Variants in ZDHHC14 observed in about 807,000 individuals in gnomAD.
The protein encoded by ZDHHC14 is zDHHC palmitoyltransferase 14, also known as palmitoyltransferase ZDHHC14.
Under a neutral mutation model 47.7 loss-of-function variants are expected in ZDHHC14, and 16 were observed. The observed-to-expected ratio is 0.34, with a 90% confidence interval of 0.23 to 0.51. The LOEUF is 0.51. Among genes scored for constraint, ZDHHC14 ranks in the 20% least tolerant of loss-of-function variants. The pLI, the probability that ZDHHC14 is intolerant of heterozygous loss-of-function variation, is 0.97. For synonymous variants in ZDHHC14, 293 were observed against 278.9 expected (o/e 1.05, Z -0.50); for missense variants, 515 against 662.5 (o/e 0.78, Z 2.44).
At chr6:157,515,674 C>A (rs1358828833) in intron 1 of ZDHHC14, among the ~76,000 whole-genome samples, 1 of 151,780 alleles carries the variant, frequency 6.6e-6, no homozygotes, top group Non-Finnish European at 1.5e-5. Context: ...ACCGTGTTAG[C>A]CTGGATGGTC....
intron 2 of ZDHHC14, among the ~76,000 whole-genome samples, chr6:157,577,436 C>G (rs1320737289): frequency 6.6e-6 from 1 of 152,224 alleles, no homozygotes; most frequent in African/African-American, 2.4e-5. Flanking sequence ...TGAGGAATCA[C>G]CATGCTGCTT....
intron 2 of ZDHHC14, among the ~76,000 whole-genome samples, chr6:157,550,898 T>C (rs773311291): frequency 2.0e-5 from 3 of 152,186 alleles, no homozygotes; most frequent in Non-Finnish European, 2.9e-5. Context: ...ACACAGAATA[T>C]ACTGTGATTA....
intron 1 of ZDHHC14, among the ~76,000 whole-genome samples, chr6:157,442,945 T>G (rs1482036509): frequency 6.6e-6 from 1 of 152,210 alleles, no homozygotes; most frequent in Non-Finnish European, 1.5e-5. Flanking sequence ...TGTTACTAGT[T>G]TGAAGCCAAT....
intron 1 of ZDHHC14, among the ~76,000 whole-genome samples, chr6:157,435,140 C>T (rs1241387647): frequency 6.6e-6 from 1 of 152,254 alleles, no homozygotes; most frequent in Non-Finnish European, 1.5e-5. Flanking sequence ...GTTTATCCCA[C>T]TTAATACTCA....
chr6:157,551,814 A>G (rs759238939), intron 2 of ZDHHC14, among the ~76,000 whole-genome samples: 4 of 152,224 alleles, frequency 2.6e-5, no homozygotes, highest in Non-Finnish European at 5.9e-5. Context: ...TGTGAGATAA[A>G]TAGCGTCTTA....
Position 157,673,436 on chromosome 6 carries a change from C to T in ZDHHC14, c.*314C>T, listed in dbSNP as rs912900664. ...TCTGCCCGCCCTTGTGACAGACACA[C>T]GGAAGGCTTCTGACGCTTGTGGCCA... On this transcript the variant is annotated 3_prime_UTR_variant, in exon 9 of 9. Transcript: ENST00000359775. The surrounding 1 kb of genome is among the most constrained non-coding windows in gnomAD (Gnocchi z 5.4). 13 of 415,370 alleles carry T rather than the reference C, an allele frequency of 3.1e-5. No individual in the cohort carries two copies. Among genetic ancestry groups the T allele is most frequent in the South Asian group, 1.8e-4 (4 of 22,490 alleles). The allele number at this position is 415,370 out of a possible 1,614,324, so 25.7% of individuals were successfully genotyped here.
At chr6:157,521,143 T>C (rs1005112623) in intron 1 of ZDHHC14, among the ~76,000 whole-genome samples, 8 of 152,174 alleles carry the variant, frequency 5.3e-5, no homozygotes, top group Non-Finnish European at 1.2e-4. Context: ...TCAGCCCCAC[T>C]TCCTCATTTA....
intron 1 of ZDHHC14, among the ~76,000 whole-genome samples, chr6:157,519,054 G>A (rs1780813591): frequency 6.6e-6 from 1 of 152,200 alleles, no homozygotes. Flanking sequence ...AGCGTTATGA[G>A]GGCTGGCTCA....
In ZDHHC14 at chr6:157,537,097, C is replaced by T. The variant is rs139339211; in HGVS notation, c.246-5488C>T. Among the ~76,000 whole-genome samples, 406 of 55,946 alleles carry T rather than the reference C, an allele frequency of 7.3e-3. 87 individuals carry two copies. The highest frequency in any genetic ancestry group is 0.022 in the African/African-American group (388 of 17,942). 36.7% of individuals were successfully genotyped at this position (55,946 alleles called of 152,430 possible). The stretch of plus-strand genomic sequence containing the variant: ...CCTCCCAAAGTGCTGGGATTACAGG[C>T]GTGAGCCACCGCGCCCGGCTCCATC... On this transcript the variant is annotated intron_variant, in intron 1 of 8. Transcript: ENST00000359775.
At chr6:157,617,025 C>G (rs540821478) in intron 3 of ZDHHC14, among the ~76,000 whole-genome samples, 16 of 152,278 alleles carry the variant, frequency 1.1e-4, no homozygotes, top group Non-Finnish European at 2.2e-4. Flanking sequence ...GAAAGCCAAG[C>G]ACCATCGTGA....
chr6:157,607,889 G>C (rs1424793175), intron 3 of ZDHHC14, among the ~76,000 whole-genome samples: 3 of 152,238 alleles, frequency 2.0e-5, no homozygotes, highest in Non-Finnish European at 4.4e-5. Context: ...CTGAGGGCTT[G>C]TATCACATCC....
At chr6:157,570,312 A>G (rs1408094652) in intron 2 of ZDHHC14, among the ~76,000 whole-genome samples, 1 of 152,212 alleles carries the variant, frequency 6.6e-6, no homozygotes, top group Non-Finnish European at 1.5e-5. Context: ...GTTCTTGTCT[A>G]CTTGTCTTAC....
intron 1 of ZDHHC14, among the ~76,000 whole-genome samples, chr6:157,417,828 C>T (rs1295328682): frequency 6.6e-6 from 1 of 152,048 alleles, no homozygotes; most frequent in African/African-American, 2.4e-5. Flanking sequence ...GTTGCGGGTG[C>T]CTGTAGTCCC....
chr6:157,653,650 C>T (rs779626361), intron 8 of ZDHHC14, 23 bp downstream of exon 8: 17 of 1,605,736 alleles, frequency 1.1e-5, no homozygotes, highest in Non-Finnish European at 1.4e-5. Context: ...GCCACTGCTC[C>T]CTGCGAGGGC....
At position 157,444,415 on chromosome 6, in the gene ZDHHC14, C is replaced by T. The variant is rs182077476; in HGVS notation, c.245+62149C>T. ...ATACTAGGCTGGGCATGGTGGCTCA[C>T]GCCTGTAATCCAAGCAATTTGGGAA... On this transcript the variant is annotated intron_variant, in intron 1 of 8. Transcript: ENST00000359775. Among the ~76,000 whole-genome samples the T allele has an allele frequency of 5.9e-3, 899 of 152,270 alleles. 3 individuals are homozygous for T. Among genetic ancestry groups the T allele is most frequent in the Non-Finnish European group, 8.1e-3 (551 of 68,022 alleles).
rs1277038431 is a variant in ZDHHC14 at position 157,537,070 on chromosome 6, G to A, written c.246-5515G>A. On this transcript the variant is annotated intron_variant, in intron 1 of 8. Coordinates refer to ENST00000359775, the MANE Select transcript of ZDHHC14 (RefSeq NM_024630.3). ...CCTGACCTCGTGATCCGCCCGCCTC[G>A]GCCTCCCAAAGTGCTGGGATTACAG... Among the ~76,000 whole-genome samples the A allele has an allele frequency of 8.4e-4, 47 of 55,766 alleles. 14 individuals are homozygous for A. In the Admixed American group the frequency reaches 8.4e-3, roughly 10 times the overall value. 36.6% of individuals were successfully genotyped at this position (55,766 alleles called of 152,430 possible).
chr6:157,673,759 G>T lies in ZDHHC14; in HGVS notation c.*637G>T, dbSNP rs1041478113. 1 of 152,694 alleles carries T rather than the reference G, an allele frequency of 6.5e-6. No individual in the cohort carries two copies. The highest frequency in any genetic ancestry group is 1.5e-5 in the Non-Finnish European group (1 of 68,082). The allele number at this position is 152,694 out of a possible 1,614,324, so 9.5% of individuals were successfully genotyped here. On this transcript the variant is annotated 3_prime_UTR_variant, in exon 9 of 9. Coordinates refer to ENST00000359775, the MANE Select transcript of ZDHHC14 (RefSeq NM_024630.3). The surrounding 1 kb of genome is among the most constrained non-coding windows in gnomAD (Gnocchi z 5.4). ...ACTGGGCTGAGGCGTCTGTGGAGAG[G>T]TGGCACCGGGGCTGCAGAGGGCGGC...
chr6:157,611,828 TTG>T (rs962793331), intron 3 of ZDHHC14, among the ~76,000 whole-genome samples: 1 of 152,164 alleles, frequency 6.6e-6, no homozygotes, highest in African/African-American at 2.4e-5. Context: ...TCCGTCCCTT[TTG>T]TGTGTGTGTG....
chr6:157,513,768 C>T (rs1030520188), intron 1 of ZDHHC14, among the ~76,000 whole-genome samples: 2 of 152,068 alleles, frequency 1.3e-5, no homozygotes, highest in Non-Finnish European at 2.9e-5. Flanking sequence ...GTAAGTTTGC[C>T]TGAGTCACAC....
Sources: gnomAD v4.1 joint callset for allele counts (sites outside exome capture counted in the v4.1 genomes callset) on GRCh38, gnomAD v4.1.1 for gene constraint, Gnocchi (gnomAD v3.1) non-coding constraint, MANE v1.5 for transcripts, NCBI Gene and HGNC (gene_info 2026-07-23, HGNC 2026-07-21) for gene names.